Variants in MGMT observed in about 807,000 individuals in gnomAD.
MGMT encodes methylated-DNA--protein-cysteine methyltransferase.
In MGMT, 14 loss-of-function variants were observed where a neutral mutation model predicts 15.9. The observed-to-expected ratio is 0.88, with a 90% CI of 0.58 to 1.37. The LOEUF is 1.37. Among genes scored for constraint, MGMT ranks in the 40% most tolerant of loss-of-function variants. MGMT has a pLI of 0.00. For synonymous variants in MGMT, 130 were observed against 118.2 expected (o/e 1.10, Z -0.65); for missense variants, 282 against 268.1 (o/e 1.05, Z -0.36).
At chr10:129,601,871 C>T (rs1340260931) in intron 2 of MGMT, among the ~76,000 whole-genome samples, 1 of 152,066 alleles carries the variant, frequency 6.6e-6, no homozygotes, top group Non-Finnish European at 1.5e-5. Flanking sequence ...TTCCAGTGGC[C>T]ACTGCAATAC....
At chr10:129,572,695 C>A (rs1460755750) in intron 2 of MGMT, among the ~76,000 whole-genome samples, 1 of 152,054 alleles carries the variant, frequency 6.6e-6, no homozygotes, top group Admixed American at 6.6e-5. Flanking sequence ...TGTGGTCATA[C>A]GGAAGAAGTC....
At chr10:129,468,333 C>T (rs1220781025) in intron 1 of MGMT, among the ~76,000 whole-genome samples, 2 of 152,032 alleles carry the variant, frequency 1.3e-5, no homozygotes, top group Non-Finnish European at 2.9e-5. Flanking sequence ...TGAAGGAAAC[C>T]GCGTCAAGAG....
intron 2 of MGMT, among the ~76,000 whole-genome samples, chr10:129,689,177 G>A (rs1238015037): frequency 6.6e-6 from 1 of 152,162 alleles, no homozygotes; most frequent in Non-Finnish European, 1.5e-5. Context: ...TTGTCCACCT[G>A]CCCCAGCCTC....
chr10:129,603,740 T>G (rs1300976515), intron 2 of MGMT, among the ~76,000 whole-genome samples: 2 of 152,248 alleles, frequency 1.3e-5, no homozygotes, highest in Non-Finnish European at 2.9e-5. Context: ...ATGGGCAGCT[T>G]GTCGGGCACA....
chr10:129,603,829 T>A (rs943276991), intron 2 of MGMT, among the ~76,000 whole-genome samples: 1 of 152,246 alleles, frequency 6.6e-6, no homozygotes, highest in African/African-American at 2.4e-5. Flanking sequence ...CAGTTATTTT[T>A]ATGTAATTTG....
intron 3 of MGMT, among the ~76,000 whole-genome samples, chr10:129,728,061 G>A (rs1190549524): frequency 6.6e-6 from 1 of 152,150 alleles, no homozygotes; most frequent in African/African-American, 2.4e-5. Flanking sequence ...GCTACTCAAG[G>A]CATGATGGGA....
chr10:129,709,641 T>C (rs1009474440), intron 3 of MGMT, among the ~76,000 whole-genome samples: 1 of 152,012 alleles, frequency 6.6e-6, no homozygotes, highest in Non-Finnish European at 1.5e-5. Flanking sequence ...TGCATAATCA[T>C]ATGGAGGCTG....
rs1847573687 is a variant in MGMT, at chr10:129,659,649, C to T, written c.126-48246C>T. Among the ~76,000 whole-genome samples, 1 of 152,218 alleles carries T rather than the reference C, an allele frequency of 6.6e-6. No individual in the cohort carries two copies. Among genetic ancestry groups the T allele is most frequent in the Non-Finnish European group, 1.5e-5 (1 of 68,040 alleles). ...GTACAAAGGCCCTGAAGATGAATGACTGTGTGAAATTTTGAAGAGCAGTTT... is the reference window on the plus strand; with the variant it reads ...GTACAAAGGCCCTGAAGATGAATGATTGTGTGAAATTTTGAAGAGCAGTTT... On this transcript the variant is annotated intron_variant, in intron 2 of 4. Transcript: ENST00000651593. The surrounding 1 kb of genome is among the most constrained non-coding windows in gnomAD (Gnocchi z 4.1).
intron 2 of MGMT, among the ~76,000 whole-genome samples, chr10:129,553,867 C>T (rs1354568911): frequency 6.6e-6 from 1 of 152,244 alleles, no homozygotes; most frequent in East Asian, 1.9e-4. Context: ...TGCCAGCTCT[C>T]TCTGCCTCAC....
chr10:129,643,846 G>A (rs1388475689), intron 2 of MGMT, among the ~76,000 whole-genome samples: 1 of 152,146 alleles, frequency 6.6e-6, no homozygotes, highest in Non-Finnish European at 1.5e-5. Flanking sequence ...TGAGAAATTC[G>A]ACAGAGTTCT....
At chr10:129,715,737 G>A (rs1006708281) in intron 3 of MGMT, 1 of 152,196 alleles carries the variant, frequency 6.6e-6, no homozygotes, top group Non-Finnish European at 1.5e-5. Flanking sequence ...CGTTAAATGT[G>A]TAAATATTAG....
chr10:129,693,940 GAC>G (rs1228465939), intron 2 of MGMT: 18 of 151,704 alleles, frequency 1.2e-4, no homozygotes, highest in Admixed American at 1.1e-3. Flanking sequence ...TGAAAGTGAT[GAC>G]AGTTTCCACA....
intron 2 of MGMT, among the ~76,000 whole-genome samples, chr10:129,538,886 G>A (rs1167135044): frequency 6.6e-6 from 1 of 152,050 alleles, no homozygotes; most frequent in Non-Finnish European, 1.5e-5. Context: ...TGCCTGCCTC[G>A]GCCTCCCAAA....
chr10:129,495,743 C>G (rs1589835429), intron 1 of MGMT, among the ~76,000 whole-genome samples: 1 of 152,200 alleles, frequency 6.6e-6, no homozygotes, highest in East Asian at 1.9e-4. Context: ...TCTCTTTCCA[C>G]CAGGATTCTT....
chr10:129,510,199 C>T (rs867904082), intron 1 of MGMT, among the ~76,000 whole-genome samples: 7 of 149,552 alleles, frequency 4.7e-5, no homozygotes, highest in Middle Eastern at 3.4e-3. Flanking sequence ...GATGATCCCT[C>T]GGAGAATATT....
Position 129,767,138 on chromosome 10 carries a change from A to C in MGMT, c.*141A>C. On this transcript the variant is annotated 3_prime_UTR_variant, in exon 5 of 5. Transcript: ENST00000651593. ...TCTGCCCTTTCTGTTTCCATATTTT[A>C]CAGCAGGATGAGTTCAGACGCCCGC... The C allele has an allele frequency of 1.4e-6, 1 of 731,216 alleles. No homozygotes were observed. The highest frequency in any genetic ancestry group is 2.2e-6 in the Non-Finnish European group (1 of 462,812). 45.3% of individuals were successfully genotyped at this position (731,216 alleles called of 1,614,324 possible). A position where few individuals can be genotyped will look rare whatever the true frequency, so the allele number is the denominator to read the frequency against.
intron 3 of MGMT, among the ~76,000 whole-genome samples, chr10:129,723,223 C>T (rs925804036): frequency 2.6e-5 from 4 of 152,172 alleles, no homozygotes; most frequent in East Asian, 1.9e-4. Flanking sequence ...ACCCATTACA[C>T]GAGCAGTATA....
chr10:129,531,115 G>T (rs1361665042), intron 1 of MGMT, among the ~76,000 whole-genome samples: 1 of 152,164 alleles, frequency 6.6e-6, no homozygotes, highest in Admixed American at 6.5e-5. Context: ...CCCTCCTGGG[G>T]CTGTGGGTCT....
chr10:129,560,192 G>T (rs1250705478), intron 2 of MGMT, among the ~76,000 whole-genome samples: 1 of 152,124 alleles, frequency 6.6e-6, no homozygotes, highest in Non-Finnish European at 1.5e-5. Flanking sequence ...AAAGTTTCAG[G>T]GTCTGATGTG....
Sources: allele counts gnomAD v4.1 joint callset (sites outside exome capture counted in the v4.1 genomes callset), GRCh38; gene constraint gnomAD v4.1.1; non-coding constraint Gnocchi (gnomAD v3.1); transcripts MANE v1.5; gene names NCBI Gene and HGNC (gene_info 2026-07-23, HGNC 2026-07-21).